The following TYR variants were observed in gnomAD, a reference collection of about 807,000 sequenced individuals.
The protein encoded by TYR is LB24-AB.
TYR carries 58 observed loss-of-function variants against 51.5 expected under a neutral mutation model. The ratio of observed to expected loss-of-function variants is 1.13; its 90% CI spans 0.91 to 1.40. The LOEUF (loss-of-function observed/expected upper bound fraction) is 1.40, where lower values mean the gene tolerates loss of function less well. TYR is among the 40% of genes most tolerant of loss of function. TYR has a pLI of 0.00. For missense variants in TYR, 732 were observed against 647.4 expected, an observed-to-expected ratio of 1.13 and a Z score of -1.42; for synonymous variants, 263 against 235.2, an observed-to-expected ratio of 1.12 and a Z score of -1.08.
intron 2 of TYR, among the ~76,000 whole-genome samples, chr11:89,226,664 T>G (rs967167133): frequency 2.0e-5 from 3 of 152,076 alleles, no homozygotes; most frequent in Admixed American, 1.3e-4. Context: ...GCACCTTTAA[T>G]AAGGAAGATA....
chr11:89,179,950 T>C (rs1165054927), intron 1 of TYR, among the ~76,000 whole-genome samples: 1 of 152,172 alleles, frequency 6.6e-6, no homozygotes, highest in Non-Finnish European at 1.5e-5. Context: ...AATATGTGAA[T>C]GGGATGGGAA....
intron 3 of TYR, among the ~76,000 whole-genome samples, chr11:89,240,347 A>G (rs532321776): frequency 1.3e-5 from 2 of 152,318 alleles, no homozygotes; most frequent in African/African-American, 4.8e-5. Flanking sequence ...AATATTCAGA[A>G]AATACAAAAA....
intron 2 of TYR, among the ~76,000 whole-genome samples, chr11:89,198,345 C>T (rs1565394572): frequency 1.3e-5 from 2 of 152,058 alleles, no homozygotes; most frequent in African/African-American, 4.8e-5. Flanking sequence ...GAAGGCTAAA[C>T]TATTTCCCTA....
At chr11:89,244,276 T>G (rs1272354015) in intron 3 of TYR, among the ~76,000 whole-genome samples, 2 of 151,982 alleles carry the variant, frequency 1.3e-5, no homozygotes, top group African/African-American at 4.8e-5. Flanking sequence ...CAGAATTATC[T>G]CTCTCATAGA....
intron 1 of TYR, among the ~76,000 whole-genome samples, chr11:89,182,106 T>G (rs1943307994): frequency 1.3e-5 from 2 of 152,202 alleles, no homozygotes; most frequent in South Asian, 4.1e-4. Flanking sequence ...ATCATAGCAC[T>G]TGTAACTTTT....
At chr11:89,193,744 A>T (rs2135255286) in intron 2 of TYR, among the ~76,000 whole-genome samples, 1 of 152,302 alleles carries the variant, frequency 6.6e-6, no homozygotes, top group Non-Finnish European at 1.5e-5. Context: ...TACACATTTT[A>T]AAATTATTTT....
At chr11:89,273,519 G>A (rs1407263136) in intron 3 of TYR, among the ~76,000 whole-genome samples, 2 of 151,806 alleles carry the variant, frequency 1.3e-5, no homozygotes, top group Admixed American at 1.3e-4. Flanking sequence ...ATCATAATAA[G>A]AGATTTAGTA....
chr11:89,243,768 T>C (rs1202056348), intron 3 of TYR, among the ~76,000 whole-genome samples: 2 of 152,158 alleles, frequency 1.3e-5, no homozygotes, highest in Non-Finnish European at 2.9e-5. Flanking sequence ...CAAAGCATTC[T>C]ATAAATACAT....
At chr11:89,191,971 C>T in intron 2 of TYR, 1 of 432,344 alleles carries the variant, frequency 2.3e-6, no homozygotes, top group Non-Finnish European at 4.6e-6. Context: ...TACTATTTTC[C>T]TACGTTTTAG....
chr11:89,253,281 T>C (rs977811634), intron 3 of TYR, among the ~76,000 whole-genome samples: 1 of 151,812 alleles, frequency 6.6e-6, no homozygotes, highest in African/African-American at 2.4e-5. Context: ...GCTTGAAGAG[T>C]TGTTTTTCAA....
At chr11:89,217,770 AATAG>A (rs1224276365) in intron 2 of TYR, among the ~76,000 whole-genome samples, 1 of 152,294 alleles carries the variant, frequency 6.6e-6, no homozygotes, top group African/African-American at 2.4e-5. Flanking sequence ...ACTGTGAAAG[AATAG>A]ATAATTTTCT....
chr11:89,285,175 A>G (rs1944769289), intron 4 of TYR, among the ~76,000 whole-genome samples: 1 of 151,740 alleles, frequency 6.6e-6, no homozygotes, highest in African/African-American at 2.4e-5. Flanking sequence ...CATTTTGTAC[A>G]TGGCAACCAT....
rs556876682 is a variant in TYR, at chr11:89,275,702, T to C, written c.1185-9071T>C. 8.4e-4 allele frequency among the ~76,000 whole-genome samples: 128 copies of C among 151,922 alleles called. 1 individual carries two copies. The highest frequency in any genetic ancestry group is 3.0e-3 in the African/African-American group (124 of 41,488). On this transcript the variant is annotated intron_variant, in intron 3 of 4. Transcript: ENST00000263321. ...CAGCCACATGGTGGAAGAAGATTAA[T>C]GTACAGAAAAAGAAAAATAACGTTA...
intron 1 of TYR, among the ~76,000 whole-genome samples, chr11:89,183,778 A>C (rs1487278367): frequency 6.6e-6 from 1 of 152,132 alleles, no homozygotes; most frequent in African/African-American, 2.4e-5. Flanking sequence ...ATAATAATGA[A>C]TATTCAAACA....
chr11:89,284,471 A>G (rs777233155), intron 3 of TYR, among the ~76,000 whole-genome samples: 2 of 151,806 alleles, frequency 1.3e-5, no homozygotes, highest in Non-Finnish European at 2.9e-5. Flanking sequence ...TTGTCACTCA[A>G]CCAATAGTTA....
chr11:89,269,700 C>G (rs1315221365), intron 3 of TYR, among the ~76,000 whole-genome samples: 1 of 151,920 alleles, frequency 6.6e-6, no homozygotes, highest in Non-Finnish European at 1.5e-5. Flanking sequence ...AGATCGGCCA[C>G]AGTTGAATTT....
intron 2 of TYR, among the ~76,000 whole-genome samples, chr11:89,213,535 G>A (rs1470127575): frequency 6.6e-6 from 1 of 152,152 alleles, no homozygotes; most frequent in East Asian, 1.9e-4. Context: ...CAGATCCAAT[G>A]CTATCCCCAT....
chr11:89,234,110 T>C (rs1424629294), intron 3 of TYR, among the ~76,000 whole-genome samples: 1 of 144,014 alleles, frequency 6.9e-6, no homozygotes, highest in African/African-American at 2.7e-5. Context: ...ATCTAAATCT[T>C]CTGGATAACT....
At chr11:89,202,622 TAC>T (rs10526067) in intron 2 of TYR, among the ~76,000 whole-genome samples, 475 of 141,360 alleles carry the variant, frequency 3.4e-3, no homozygotes, top group African/African-American at 0.012. Context: ...ATTTTCATAA[TAC>T]ACACACACAC....
Sources: allele counts gnomAD v4.1 joint callset (sites outside exome capture counted in the v4.1 genomes callset), GRCh38; gene constraint gnomAD v4.1.1; transcripts MANE v1.5; gene names NCBI Gene and HGNC (gene_info 2026-07-23, HGNC 2026-07-21).